The following SLC30A8 variants were observed in gnomAD, a reference collection of about 807,000 sequenced individuals.
The protein encoded by SLC30A8 is proton-coupled zinc antiporter SLC30A8.
Under a neutral mutation model 36.9 loss-of-function variants are expected in SLC30A8, and 27 were observed. That is an observed-to-expected ratio of 0.73 (90% CI 0.54 to 1.01). The LOEUF (loss-of-function observed/expected upper bound fraction) is 1.01, where lower values mean the gene tolerates loss of function less well. Ranked by LOEUF, SLC30A8 falls within the 50% of genes least tolerant of loss-of-function variation. The pLI, the probability that SLC30A8 is intolerant of heterozygous loss-of-function variation, is 0.00. For missense variants in SLC30A8, 439 were observed against 452.0 expected (o/e 0.97, Z 0.26); for synonymous variants, 164 against 172.4 (o/e 0.95, Z 0.38).
Position 117,042,545 on chromosome 8 carries a change from C to T in SLC30A8, c.-226+3287C>T, listed in dbSNP as rs1318424400. On this transcript the variant is annotated intron_variant, in intron 2 of 10. Coordinates refer to the SLC30A8 transcript ENST00000427715. The stretch of plus-strand genomic sequence containing the variant: ...CCTCAGGTACTATCTGGTCTGGACC[C>T]AAGGAAGCCGGTGCTGTTTTATTCC... Among the ~76,000 whole-genome samples the T allele has an allele frequency of 2.6e-5, 4 of 152,104 alleles. 1 individual carries two copies. The highest frequency in any genetic ancestry group is 9.7e-5 in the African/African-American group (4 of 41,408).
At chr8:117,113,370 A>T (rs1820313493) in intron 2 of SLC30A8, among the ~76,000 whole-genome samples, 1 of 152,158 alleles carries the variant, frequency 6.6e-6, no homozygotes, top group African/African-American at 2.4e-5. Flanking sequence ...GTTATGACTC[A>T]ATGTATTATC....
chr8:117,031,212 T>TAAA (rs33952693), intron 1 of SLC30A8, among the ~76,000 whole-genome samples: 13,955 of 152,224 alleles, frequency 0.092, 994 homozygotes, highest in African/African-American at 0.2. Flanking sequence ...ATACTATATT[T>TAAA]TGTATGCACA....
exon 1 of SLC30A8, chr8:116,951,064 G>C (rs932639446): frequency 6.6e-6 from 1 of 152,232 alleles, no homozygotes; most frequent in African/African-American, 2.4e-5. Context: ...TGGAGGGAAT[G>C]CAGTGTTGGG....
intron 1 of SLC30A8, among the ~76,000 whole-genome samples, chr8:116,997,383 C>T (rs1815857925): frequency 6.6e-6 from 1 of 152,116 alleles, no homozygotes; most frequent in Non-Finnish European, 1.5e-5. Flanking sequence ...ATGACATTTT[C>T]CTGTCCTCTA....
intron 2 of SLC30A8, among the ~76,000 whole-genome samples, chr8:117,083,348 G>C (rs1312195758): frequency 6.6e-6 from 1 of 152,126 alleles, no homozygotes; most frequent in Admixed American, 6.6e-5. Context: ...CAGTAGAGGA[G>C]AGCCACTTTA....
In SLC30A8 at chr8:117,147,640, A is replaced by G. The variant is rs1369533261; in HGVS notation, c.271+487A>G. On this transcript the variant is annotated intron_variant, in intron 2 of 7. Coordinates refer to ENST00000456015, the MANE Select transcript of SLC30A8 (RefSeq NM_173851.3). Reference sequence around the variant, plus strand: ...CCTGTCTTTCTGGTTAATCCCTTCAAAGAGATTCCTAAAAGTGAAAATAAT... The same window carrying G: ...CCTGTCTTTCTGGTTAATCCCTTCAGAGAGATTCCTAAAAGTGAAAATAAT... The G allele has an allele frequency of 6.5e-5, 10 of 154,962 alleles. No homozygotes were observed. In the East Asian group the frequency reaches 1.5e-3, roughly 23 times the overall value. The allele number at this position is 154,962 out of a possible 1,614,324, so 9.6% of individuals were successfully genotyped here.
intron 2 of SLC30A8, among the ~76,000 whole-genome samples, chr8:117,129,326 T>C (rs1821040586): frequency 6.6e-6 from 1 of 152,024 alleles, no homozygotes; most frequent in Non-Finnish European, 1.5e-5. Context: ...GACTGTATGG[T>C]ATAAAGTGGA....
At chr8:117,122,001 T>C (rs1419125179) in intron 2 of SLC30A8, among the ~76,000 whole-genome samples, 2 of 151,920 alleles carry the variant, frequency 1.3e-5, no homozygotes, top group East Asian at 1.9e-4. Flanking sequence ...AAAAAACATA[T>C]AAAATGTAGT....
intron 2 of SLC30A8, among the ~76,000 whole-genome samples, chr8:117,117,424 G>A (rs986118016): frequency 6.6e-6 from 1 of 151,932 alleles, no homozygotes; most frequent in Admixed American, 6.6e-5. Context: ...CAGAGGATCC[G>A]ATTTATTAAT....
intron 1 of SLC30A8, among the ~76,000 whole-genome samples, chr8:116,990,416 G>A (rs1357484335): frequency 6.6e-6 from 1 of 152,014 alleles, no homozygotes; most frequent in Non-Finnish European, 1.5e-5. Context: ...TGTACTTTCC[G>A]ATATCATGTA....
Position 117,128,036 on chromosome 8 carries a change from C to G in SLC30A8, c.-225-7244C>G, listed in dbSNP as rs115924610. ...AGTTTAGCATCAGCTTAGAGCTTAGCCATTAGAAGTAGGAGTTTTGTTAAG... is the reference window on the plus strand; with the variant it reads ...AGTTTAGCATCAGCTTAGAGCTTAGGCATTAGAAGTAGGAGTTTTGTTAAG... On this transcript the variant is annotated intron_variant, in intron 2 of 10. Coordinates refer to the SLC30A8 transcript ENST00000427715. Among the ~76,000 whole-genome samples the G allele has an allele frequency of 7.7e-3, 1,166 of 152,094 alleles. 14 individuals are homozygous for G. Among genetic ancestry groups the G allele is most frequent in the African/African-American group, 0.027 (1,110 of 41,516 alleles).
chr8:116,981,867 G>A (rs1292952298), intron 1 of SLC30A8, among the ~76,000 whole-genome samples: 1 of 152,140 alleles, frequency 6.6e-6, no homozygotes, highest in African/African-American at 2.4e-5. Context: ...GAATAGTGCT[G>A]TGATGAACAT....
intron 2 of SLC30A8, among the ~76,000 whole-genome samples, chr8:117,099,802 A>G (rs970792287): frequency 6.6e-6 from 1 of 152,224 alleles, no homozygotes; most frequent in African/African-American, 2.4e-5. Context: ...GTACTGTACC[A>G]TTAAATGAGA....
intron 2 of SLC30A8, among the ~76,000 whole-genome samples, chr8:117,102,370 T>G (rs1819762852): frequency 6.6e-6 from 1 of 152,172 alleles, no homozygotes; most frequent in African/African-American, 2.4e-5. Context: ...TTATATTACA[T>G]AATTCTTTTA....
intron 1 of SLC30A8, among the ~76,000 whole-genome samples, chr8:117,029,300 G>T (rs999308901): frequency 6.6e-6 from 1 of 152,156 alleles, no homozygotes; most frequent in Non-Finnish European, 1.5e-5. Context: ...CCTTGCAATT[G>T]TCATAAGAAA....
rs115009192 is a variant in SLC30A8, at chr8:117,169,965, G to A, written c.830-1069G>A. Among the ~76,000 whole-genome samples the A allele has an allele frequency of 8.5e-3, 1,294 of 152,218 alleles. 14 individuals are homozygous for A. The highest frequency in any genetic ancestry group is 0.03 in the African/African-American group (1,242 of 41,558). ...ATCACCCAGAGATTCTGATTTAATTGTCTGGGGTTGGGGCTGGCTTTGGTA... is the reference window on the plus strand; with the variant it reads ...ATCACCCAGAGATTCTGATTTAATTATCTGGGGTTGGGGCTGGCTTTGGTA... On this transcript the variant is annotated intron_variant, in intron 6 of 7. Transcript: ENST00000456015.
At position 117,157,699 on chromosome 8, in the gene SLC30A8, G is replaced by T; in HGVS notation, c.427G>T (p.Gly143Cys). The change falls in exon 4 of 8, where the codon GGT becomes TGT. Residue 143 changes from glycine to cysteine, a missense_variant. Transcript: ENST00000456015. Reference sequence around the variant, plus strand: ...TGTGTTTGAATTCCTAGAGATCCTTGGTGCCCTGCTCTCCATCCTGTGCAT... The same window carrying T: ...TGTGTTTGAATTCCTAGAGATCCTTTGTGCCCTGCTCTCCATCCTGTGCAT... ...TFGWHRAEIL[G>C]ALLSILCIWV... 1.2e-6 allele frequency: 2 copies of T among 1,613,960 alleles called. No individual in the cohort carries two copies. The highest frequency in any genetic ancestry group is 8.5e-7 in the Non-Finnish European group (1 of 1,179,924).
At chr8:116,969,947 T>TA (rs1204478726) in intron 1 of SLC30A8, among the ~76,000 whole-genome samples, 7 of 152,084 alleles carry the variant, frequency 4.6e-5, no homozygotes, top group African/African-American at 1.7e-4. Flanking sequence ...CTACACTAAA[T>TA]ATAGAAAAAA....
chr8:117,057,504 T>A (rs949894226), intron 2 of SLC30A8, among the ~76,000 whole-genome samples: 2 of 152,114 alleles, frequency 1.3e-5, no homozygotes, highest in Admixed American at 1.3e-4. Context: ...TTAAAAGGCA[T>A]ACCCTTTGAT....
Sources: allele counts gnomAD v4.1 joint callset (sites outside exome capture counted in the v4.1 genomes callset), GRCh38; gene constraint gnomAD v4.1.1; transcripts MANE v1.5; gene names NCBI Gene and HGNC (gene_info 2026-07-23, HGNC 2026-07-21).